Variants in GRB2 observed in about 807,000 individuals in gnomAD.
GRB2 encodes growth factor receptor bound protein 2.
A neutral mutation model predicts 27.4 loss-of-function variants in GRB2; 2 were observed. That is an observed-to-expected ratio of 0.07 (90% CI 0.03 to 0.23). GRB2 has a LOEUF of 0.23. Among genes scored for constraint, GRB2 ranks in the 10% least tolerant of loss-of-function variants. GRB2 has a pLI of 1.00. For missense variants in GRB2, 102 were observed against 282.4 expected (o/e 0.36, Z 4.58); for synonymous variants, 94 against 99.6 (o/e 0.94, Z 0.33).
At chr17:75,339,092 A>C in intron 2 of GRB2, 2 of 1,372,452 alleles carry the variant, frequency 1.5e-6, no homozygotes. Context: ...AAAAGATGCA[A>C]GCATTTTGAA....
chr17:75,360,127 A>G (rs2078769876), intron 2 of GRB2, among the ~76,000 whole-genome samples: 1 of 152,202 alleles, frequency 6.6e-6, no homozygotes, highest in Admixed American at 6.5e-5. Flanking sequence ...AATATACTTA[A>G]ACAGTCAAAT....
At chr17:75,327,524 C>T (rs2078507192) in intron 3 of GRB2, among the ~76,000 whole-genome samples, 1 of 151,988 alleles carries the variant, frequency 6.6e-6, no homozygotes. Flanking sequence ...GCGGCCACCA[C>T]CACGCCCAGC....
intron 2 of GRB2, among the ~76,000 whole-genome samples, chr17:75,349,949 T>G (rs1305749033): frequency 2.6e-5 from 4 of 151,980 alleles, no homozygotes; most frequent in Admixed American, 2.0e-4. Context: ...GTATATGGCT[T>G]TATGAAAAGT....
intron 2 of GRB2, among the ~76,000 whole-genome samples, chr17:75,337,894 AC>A (rs1385250695): frequency 0.011 from 1,430 of 127,944 alleles, 25 homozygotes; most frequent in African/African-American, 0.037. Context: ...TACTACTACT[AC>A]TACTACTATT....
At chr17:75,361,304 G>C (rs2078780150) in intron 2 of GRB2, among the ~76,000 whole-genome samples, 1 of 152,112 alleles carries the variant, frequency 6.6e-6, no homozygotes, top group Admixed American at 6.6e-5. Context: ...CTTAAACGAG[G>C]ACAAGGGAAC....
chr17:75,382,107 C>T (rs952827417), intron 2 of GRB2, among the ~76,000 whole-genome samples: 13 of 151,838 alleles, frequency 8.6e-5, no homozygotes. Flanking sequence ...CCTGTAGTCC[C>T]AGCTATTTGG....
chr17:75,351,878 T>A (rs2078694815), intron 2 of GRB2, among the ~76,000 whole-genome samples: 1 of 152,112 alleles, frequency 6.6e-6, no homozygotes, highest in South Asian at 2.1e-4. Context: ...AAATTCTAAG[T>A]AGTACACTCT....
chr17:75,320,367 C>T lies in GRB2; in HGVS notation c.*1G>A. The T allele has an allele frequency of 1.2e-5, 20 of 1,612,986 alleles. No individual in the cohort carries two copies. The highest frequency in any genetic ancestry group is 1.7e-5 in the Non-Finnish European group (20 of 1,178,970). The stretch of plus-strand genomic sequence containing the variant: ...TTCTTTAAATAATTGCTTCTTGACT[C>T]TTAGACGTTCCGGTTCACGGGGGTG... On this transcript the variant is annotated 3_prime_UTR_variant, in exon 6 of 6. Transcript: ENST00000316804. The surrounding 1 kb of genome is among the most constrained non-coding windows in gnomAD (Gnocchi z 4.3).
chr17:75,393,617 G>A lies in GRB2; in HGVS notation c.12C>T (p.Ile4=), dbSNP rs1294430501. The A allele has an allele frequency of 1.2e-6, 2 of 1,613,804 alleles. No homozygotes were observed. The highest frequency in any genetic ancestry group is 1.3e-5 in the African/African-American group (1 of 74,916). The part of the protein sequence containing the change: MEA[I]AKYDFKATAD... ...CAGTAGCTTTGAAGTCATATTTGGC[G>A]ATGGCTTCCATTCTGAGCGCTGCTC... is the stretch of plus-strand genomic sequence containing the variant. The change falls in exon 2 of 6, where the codon ATC becomes ATT. Residue 4 remains isoleucine (I), a synonymous_variant. Coordinates refer to ENST00000316804, the MANE Select transcript of GRB2 (RefSeq NM_002086.5).
chr17:75,350,516 G>C (rs1363387832), intron 2 of GRB2, among the ~76,000 whole-genome samples: 1 of 152,082 alleles, frequency 6.6e-6, no homozygotes, highest in Non-Finnish European at 1.5e-5. Context: ...TTTTGAGACG[G>C]AGTCTCGCTC....
chr17:75,374,632 C>T (rs1314397449), intron 2 of GRB2, among the ~76,000 whole-genome samples: 1 of 151,754 alleles, frequency 6.6e-6, no homozygotes, highest in African/African-American at 2.4e-5. Flanking sequence ...CACAAACACA[C>T]ACACTCTAGC....
chr17:75,397,816 A>AATTAATTTATTT (rs1475960339), intron 1 of GRB2, among the ~76,000 whole-genome samples: 2 of 147,814 alleles, frequency 1.4e-5, no homozygotes, highest in Non-Finnish European at 1.5e-5. Flanking sequence ...AATCACTCAA[A>AATTAATTTATTT]ATTTATTTAT....
intron 4 of GRB2, among the ~76,000 whole-genome samples, chr17:75,322,171 G>A (rs2078464693): frequency 6.6e-6 from 1 of 152,176 alleles, no homozygotes. Context: ...TCGGGAGTTC[G>A]AGACCAGCCT....
At chr17:75,392,997 T>C (rs952704919) in intron 2 of GRB2, among the ~76,000 whole-genome samples, 1 of 152,230 alleles carries the variant, frequency 6.6e-6, no homozygotes, top group Non-Finnish European at 1.5e-5. Context: ...TTGCACCTTA[T>C]TATTTAGAAC....
chr17:75,341,992 C>A (rs1833777518), intron 2 of GRB2, among the ~76,000 whole-genome samples: 2 of 152,156 alleles, frequency 1.3e-5, no homozygotes, highest in South Asian at 4.1e-4. Flanking sequence ...ATGAGCCCTG[C>A]CGTGCAGTCA....
At chr17:75,380,198 G>C (rs1401978356) in intron 2 of GRB2, among the ~76,000 whole-genome samples, 1 of 152,114 alleles carries the variant, frequency 6.6e-6, no homozygotes, top group Middle Eastern at 3.2e-3. Context: ...TTTGCTCCAT[G>C]AAGCTGTGCA....
At chr17:75,388,822 T>C (rs1288662297) in intron 2 of GRB2, among the ~76,000 whole-genome samples, 1 of 152,148 alleles carries the variant, frequency 6.6e-6, no homozygotes. Flanking sequence ...GTGAAAACTC[T>C]AACCAACCAA....
At chr17:75,398,508 G>A (rs2079043073) in intron 1 of GRB2, among the ~76,000 whole-genome samples, 1 of 151,422 alleles carries the variant, frequency 6.6e-6, no homozygotes, top group Non-Finnish European at 1.5e-5. Context: ...AGATCTGCCT[G>A]CCTTGGCCTC....
In GRB2 at chr17:75,404,544, G is replaced by A. The variant is rs61764593; in HGVS notation, c.-138+945C>T. On this transcript the variant is annotated intron_variant, in intron 1 of 5. Coordinates refer to ENST00000316804, the MANE Select transcript of GRB2 (RefSeq NM_002086.5). ...GAAGGGGAAGTACATTAGAAAAAAA[G>A]GGGGGGGTGGGGGGAGGAAGGGGCA... Among the ~76,000 whole-genome samples, 544 of 148,134 alleles carry A rather than the reference G, an allele frequency of 3.7e-3. 4 individuals carry two copies. The highest frequency in any genetic ancestry group is 0.014 in the Middle Eastern group (4 of 282).
Sources: allele counts gnomAD v4.1 joint callset (sites outside exome capture counted in the v4.1 genomes callset), GRCh38; gene constraint gnomAD v4.1.1; non-coding constraint Gnocchi (gnomAD v3.1); transcripts MANE v1.5; gene names NCBI Gene and HGNC (gene_info 2026-07-23, HGNC 2026-07-21).